The following ZNF217 variants were observed in gnomAD, a reference collection of about 807,000 sequenced individuals.
ZNF217 encodes the protein zinc finger protein 217.
In ZNF217, 12 loss-of-function variants were observed where a neutral mutation model predicts 73.3. The ratio of observed to expected loss-of-function variants is 0.16; its 90% confidence interval spans 0.10 to 0.27. The LOEUF (loss-of-function observed/expected upper bound fraction) is 0.27. Among genes scored for constraint, ZNF217 ranks in the 10% least tolerant of loss-of-function variants. The pLI is 1.00. For synonymous variants in ZNF217, 588 were observed against 516.4 expected (o/e 1.14, Z -1.88); for missense variants, 1,195 against 1,327.8 (o/e 0.90, Z 1.55).
At chr20:53,584,668 A>T (rs1250093897) in intron 1 of ZNF217, among the ~76,000 whole-genome samples, 1 of 152,200 alleles carries the variant, frequency 6.6e-6, no homozygotes, top group Non-Finnish European at 1.5e-5. Context: ...TATCTATTTA[A>T]CGCAGTTGGT....
chr20:53,575,558 G>A, intron 4 of ZNF217, 169 bp downstream of exon 4: 1 of 607,058 alleles, frequency 1.6e-6, no homozygotes, highest in South Asian at 2.3e-5. Context: ...AAGCCTTGGA[G>A]GACCACAAAC....
At chr20:53,569,739 T>G (rs1161445280) in intron 5 of ZNF217, among the ~76,000 whole-genome samples, 1 of 152,182 alleles carries the variant, frequency 6.6e-6, no homozygotes, top group Non-Finnish European at 1.5e-5. Flanking sequence ...AATGACTAAC[T>G]AGATAATGCT....
rs772961656 is a variant in ZNF217, at chr20:53,578,458, G to C, written c.1367-8C>G. The C allele has an allele frequency of 1.3e-6, 2 of 1,520,818 alleles. No homozygotes were observed. The highest frequency in any genetic ancestry group is 8.9e-7 in the Non-Finnish European group (1 of 1,126,360). 94.2% of individuals were successfully genotyped at this position (1,520,818 alleles called of 1,614,324 possible). ...CTCCATCATCATTTTTATCTTAAAG[G>C]AAAAACAAAAATATTTATATAAGAA... On this transcript the variant is annotated splice_region_variant and splice_polypyrimidine_tract_variant and intron_variant, in intron 2 of 5. Coordinates refer to ENST00000371471, the MANE Select transcript of ZNF217 (RefSeq NM_006526.3).
intron 4 of ZNF217, 102 bp downstream of exon 4, chr20:53,575,625 A>AC: frequency 1.7e-6 from 2 of 1,205,080 alleles, no homozygotes; most frequent in Admixed American, 2.9e-5. Context: ...CTGGCTGCCT[A>AC]CCCCCCACCC....
In ZNF217 at chr20:53,581,714, C is replaced by T. The variant is rs1269561679; in HGVS notation, c.1113G>A (p.Lys371=). The T allele has an allele frequency of 1.2e-6, 2 of 1,614,262 alleles. No individual in the cohort carries two copies. ...ACTCGGAGCAGTGAGTGGGCTTCTCCTTGCTACTGGGTAACTTGGGATCCG... is the reference window on the plus strand; with the variant it reads ...ACTCGGAGCAGTGAGTGGGCTTCTCTTTGCTACTGGGTAACTTGGGATCCG... ...VDADPKLPSS[K]EKPTHCSECG... is the part of the protein sequence containing the mutation. Residue 371 remains lysine (K), a synonymous_variant, in exon 2 of 6, where the codon AAG becomes AAA. Transcript: ENST00000371471. The surrounding 1 kb of genome is among the most constrained non-coding windows in gnomAD (Gnocchi z 4.9).
chr20:53,597,098 A>G (rs1462618365), upstream of ZNF217, among the ~76,000 whole-genome samples: 748 of 142,836 alleles, frequency 5.2e-3, 6 homozygotes, highest in African/African-American at 0.017. Context: ...AAAAAAAAAG[A>G]AAAAAAAAAA....
rs994953528 is a variant in ZNF217 at position 53,576,284 on chromosome 20, A to C, written c.2480T>G (p.Val827Gly). The C allele has an allele frequency of 4.3e-6, 7 of 1,614,206 alleles. No homozygotes were observed. Among genetic ancestry groups the C allele is most frequent in the Admixed American group, 1.7e-5 (1 of 60,024 alleles). The change falls in exon 4 of 6, where the codon GTG becomes GGG. Residue 827 changes from valine to glycine, a missense_variant. Val to Gly is a moderately radical substitution (Grantham distance 109, BLOSUM62 -3). This residue lies in a region of ZNF217 where 649 missense variants were observed against 642.8 expected (regional missense o/e 1.01). Transcript: ENST00000371471. ...CCTGGTGGCGGCCCCTTGGACCCCC[A>C]CATTCTGCTGTGGTCTGTGGGACTT... ...NLKSHRPQQN[V>G]GVQGAATRQQ...
At chr20:53,569,626 T>C (rs144725246) in intron 5 of ZNF217, among the ~76,000 whole-genome samples, 4,075 of 152,290 alleles carry the variant, frequency 0.027, 188 homozygotes, top group African/African-American at 0.093. Context: ...TCAAGTGATC[T>C]GCCCGCCTTG....
At position 53,571,712 on chromosome 20, in the gene ZNF217, T is replaced by C. The variant is rs1372885681; in HGVS notation, c.*23+9A>G. The C allele has an allele frequency of 6.2e-7, 1 of 1,607,862 alleles. No individual in the cohort carries two copies. Among genetic ancestry groups the C allele is most frequent in the East Asian group, 2.2e-5 (1 of 44,792 alleles). ...CAATCCAGTGTTTTTAATTGAAACA[T>C]ATGCTCACCTTTTTTCCCCCTAATT... On this transcript the variant is annotated intron_variant, in intron 5 of 5. Coordinates refer to ENST00000371471, the MANE Select transcript of ZNF217 (RefSeq NM_006526.3).
At chr20:53,587,473 T>C (rs764568526) in intron 1 of ZNF217, among the ~76,000 whole-genome samples, 125 of 152,348 alleles carry the variant, frequency 8.2e-4, no homozygotes, top group Non-Finnish European at 1.6e-3. Flanking sequence ...TGTTAACTTT[T>C]AGAAACAGCA....
upstream of ZNF217, among the ~76,000 whole-genome samples, chr20:53,594,477 G>A (rs1989002829): frequency 6.6e-6 from 1 of 151,182 alleles, no homozygotes; most frequent in Non-Finnish European, 1.5e-5. Context: ...ACGGGAGCGA[G>A]CGGCGAGCGC....
chr20:53,573,440 T>C (rs930080920), intron 4 of ZNF217, among the ~76,000 whole-genome samples: 1 of 151,942 alleles, frequency 6.6e-6, no homozygotes, highest in African/African-American at 2.4e-5. Context: ...TCCTCCCATA[T>C]ACTTTACTTA....
intron 1 of ZNF217, among the ~76,000 whole-genome samples, chr20:53,589,551 A>G (rs1988811906): frequency 1.3e-5 from 2 of 152,234 alleles, no homozygotes; most frequent in Non-Finnish European, 2.9e-5. Context: ...AGATGTGTAC[A>G]AGAATTGAGC....
chr20:53,568,752 A>T lies in ZNF217; in HGVS notation c.*536T>A, dbSNP rs1987854125. The T allele has an allele frequency of 7.0e-6, 1 of 142,278 alleles. No homozygotes were observed. The highest frequency in any genetic ancestry group is 3.0e-5 in the African/African-American group (1 of 33,582). 8.8% of individuals were successfully genotyped at this position (142,278 alleles called of 1,614,324 possible). On this transcript the variant is annotated 3_prime_UTR_variant, in exon 6 of 6. Coordinates refer to ENST00000371471, the MANE Select transcript of ZNF217 (RefSeq NM_006526.3). ...ATAATACAAAATCATTGACAGTTTA[A>T]AAAAAAAAAAACATACATTTTAAAT...
At chr20:53,592,702 C>A (rs1462555025) in intron 1 of ZNF217, among the ~76,000 whole-genome samples, 1 of 152,000 alleles carries the variant, frequency 6.6e-6, no homozygotes, top group African/African-American at 2.4e-5. Flanking sequence ...TCCAGCCTCC[C>A]GGGCCCCCAG....
intron 1 of ZNF217, among the ~76,000 whole-genome samples, chr20:53,592,569 C>A (rs537844785): frequency 7.3e-6 from 1 of 136,166 alleles, no homozygotes; most frequent in African/African-American, 2.6e-5. Context: ...TACCCAGAAT[C>A]CCAAAATGTG....
chr20:53,581,472 C>A lies in ZNF217; in HGVS notation c.1355G>T (p.Gly452Val), dbSNP rs771896439. 3.7e-6 allele frequency: 6 copies of A among 1,608,004 alleles called. No homozygotes were observed. In the Admixed American group the frequency reaches 1.0e-4, roughly 27 times the overall value. Residue 452 changes from glycine to valine, a missense_variant, in exon 2 of 6, where the codon GGA becomes GTA. Transcript: ENST00000371471. This position sits in a 1 kb window ranked among gnomAD's most constrained non-coding sequence, Gnocchi z 4.9. ...ACAGGGCAGCTTACCCAGATGGATT[C>A]CTTCGGGAAGCCCATCCTCAGATCC... Reference protein sequence around the residue: ...EDGSEDGLPEGIHLDKNDDGG... With the variant: ...EDGSEDGLPEVIHLDKNDDGG...
At position 53,571,870 on chromosome 20, in the gene ZNF217, A is replaced by C. The variant is rs1988025627; in HGVS notation, c.3038-17T>G. ...GCCTTTTTCCTGATTGAAAAAAAAA[A>C]CATATTTAGAGTTAAGGTCAAACAA... On this transcript the variant is annotated splice_polypyrimidine_tract_variant and intron_variant, in intron 4 of 5. Coordinates refer to ENST00000371471, the MANE Select transcript of ZNF217 (RefSeq NM_006526.3). 1 of 1,584,910 alleles carries C rather than the reference A, an allele frequency of 6.3e-7. No individual in the cohort carries two copies. Among genetic ancestry groups the C allele is most frequent in the Middle Eastern group, 1.7e-4 (1 of 5,898 alleles).
chr20:53,573,126 T>C (rs1190541206), intron 4 of ZNF217, among the ~76,000 whole-genome samples: 6 of 58,930 alleles, frequency 1.0e-4, no homozygotes, highest in Non-Finnish European at 1.8e-4. Context: ...TGTAGTACTA[T>C]TTTTTTTTTT....
Sources: allele counts gnomAD v4.1 joint callset (sites outside exome capture counted in the v4.1 genomes callset), GRCh38; gene constraint gnomAD v4.1.1; regional missense constraint gnomAD v4.1.1; non-coding constraint Gnocchi (gnomAD v3.1); transcripts MANE v1.5; gene names NCBI Gene and HGNC (gene_info 2026-07-23, HGNC 2026-07-21).